QTGAL: variants seen among roughly 807,000 people sequenced by gnomAD.
QTGAL encodes BGnT-like protein 1.
At chr17:83,013,977 C>T in the QTGAL span, among the ~76,000 whole-genome samples, 7 of 151,982 alleles carry the variant, frequency 4.6e-5, no homozygotes, top group Admixed American at 2.0e-4. Flanking sequence ...GAGGAGCCCA[C>T]GGGGCACTGC....
the QTGAL span, among the ~76,000 whole-genome samples, chr17:82,993,594 C>A: frequency 6.6e-6 from 1 of 151,978 alleles, no homozygotes; most frequent in Non-Finnish European, 1.5e-5. Context: ...AGAAAATCAA[C>A]AAGAAACATT....
chr17:82,945,080 G>A, the QTGAL span: 1 of 152,150 alleles, frequency 6.6e-6, no homozygotes, highest in African/African-American at 2.4e-5. Context: ...GTAGAATGTA[G>A]GCTATAATAT....
chr17:83,041,065 C>CA, the QTGAL span, among the ~76,000 whole-genome samples: 5,991 of 89,566 alleles, frequency 0.067, 235 homozygotes, highest in African/African-American at 0.13. Context: ...GACTCCATCT[C>CA]AAAAAAAAAA....
At chr17:83,032,534 C>T in the QTGAL span, among the ~76,000 whole-genome samples, 972 of 137,144 alleles carry the variant, frequency 7.1e-3, 40 homozygotes, top group African/African-American at 0.033. Context: ...GCCAGGCCTC[C>T]GACCCAGACT....
chr17:82,999,547 A>G, the QTGAL span, among the ~76,000 whole-genome samples: 3 of 152,220 alleles, frequency 2.0e-5, no homozygotes, highest in African/African-American at 4.8e-5. Context: ...TACCGATAAC[A>G]TCAACGGTCG....
chr17:83,005,969 G>A, the QTGAL span: 70 of 1,150,890 alleles, frequency 6.1e-5, no homozygotes, highest in Middle Eastern at 3.6e-4. This position sits in a 1 kb window ranked among gnomAD's most constrained non-coding sequence, Gnocchi z 5.6. Flanking sequence ...GTCCTTCAGG[G>A]CTCACACTCA....
the QTGAL span, among the ~76,000 whole-genome samples, chr17:83,040,373 T>C: frequency 6.6e-6 from 1 of 152,154 alleles, no homozygotes; most frequent in Non-Finnish European, 1.5e-5. Flanking sequence ...GGCAGGCATA[T>C]TTTTTTCAAG....
chr17:83,007,255 A>G, the QTGAL span: 2 of 985,304 alleles, frequency 2.0e-6, no homozygotes, highest in Non-Finnish European at 2.4e-6. Flanking sequence ...GTTGTGAATT[A>G]GGACAGCTCT....
chr17:83,043,241 G>T, the QTGAL span, among the ~76,000 whole-genome samples: 2 of 152,158 alleles, frequency 1.3e-5, no homozygotes, highest in Admixed American at 1.3e-4. Flanking sequence ...TGTGCACAGC[G>T]CATTCTCCAG....
At chr17:82,959,983 C>T in the QTGAL span, among the ~76,000 whole-genome samples, 2 of 152,174 alleles carry the variant, frequency 1.3e-5, no homozygotes, top group Non-Finnish European at 2.9e-5. Flanking sequence ...CCCGCCTTAG[C>T]ACCGGGAAAG....
the QTGAL span, chr17:83,005,179 G>A: frequency 2.1e-5 from 34 of 1,610,382 alleles, no homozygotes; most frequent in Middle Eastern, 3.3e-4. This position sits in a 1 kb window ranked among gnomAD's most constrained non-coding sequence, Gnocchi z 5.6. Flanking sequence ...GGTGGAGTTA[G>A]GGGGATCTCT....
the QTGAL span, chr17:82,942,438 C>T: frequency 1.9e-6 from 3 of 1,613,650 alleles, no homozygotes; most frequent in Non-Finnish European, 2.5e-6. Context: ...CTTGTCTTGT[C>T]TCTTCTTCAG....
At chr17:83,013,263 T>C in the QTGAL span, among the ~76,000 whole-genome samples, 20 of 150,912 alleles carry the variant, frequency 1.3e-4, no homozygotes, top group Non-Finnish European at 3.0e-4. Flanking sequence ...TGGGGCCCTC[T>C]GCACCCGAGA....
chr17:82,945,142 A>G, the QTGAL span: 1 of 152,242 alleles, frequency 6.6e-6, no homozygotes, highest in Non-Finnish European at 1.5e-5. Context: ...TTAGAAAAAA[A>G]CAGAGCCCCT....
the QTGAL span, among the ~76,000 whole-genome samples, chr17:82,983,662 C>T: frequency 7.2e-3 from 1,102 of 152,334 alleles, 6 homozygotes; most frequent in Non-Finnish European, 0.012. Context: ...CCGCCAGGAA[C>T]AGTCGCACAG....
At chr17:82,961,247 A>C in the QTGAL span, 1 of 1,554,348 alleles carries the variant, frequency 6.4e-7, no homozygotes. Flanking sequence ...CCGGATGCAC[A>C]CTACACCTGC....
At chr17:82,956,584 C>T in the QTGAL span, 26 of 1,221,848 alleles carry the variant, frequency 2.1e-5, no homozygotes, top group African/African-American at 2.0e-4. This position sits in a 1 kb window ranked among gnomAD's most constrained non-coding sequence, Gnocchi z 5.7. Context: ...TGCCCACCAT[C>T]GGCTGGGGTC....
At chr17:83,031,153 C>T in the QTGAL span, among the ~76,000 whole-genome samples, 3 of 152,228 alleles carry the variant, frequency 2.0e-5, no homozygotes, top group Admixed American at 6.5e-5. Flanking sequence ...ACAACCGAGA[C>T]GAGAACACAG....
the QTGAL span, among the ~76,000 whole-genome samples, chr17:83,019,211 A>G: frequency 2.0e-5 from 3 of 152,286 alleles, no homozygotes; most frequent in East Asian, 5.8e-4. Flanking sequence ...TGTGGCCACA[A>G]TGGAGGCAGG....
Sources: gnomAD v4.1 joint callset for allele counts (sites outside exome capture counted in the v4.1 genomes callset) on GRCh38, gnomAD v4.1.1 for gene constraint, Gnocchi (gnomAD v3.1) non-coding constraint, MANE v1.5 for transcripts, NCBI Gene and HGNC (gene_info 2026-07-23, HGNC 2026-07-21) for gene names.